The following RAB31 variants were observed in gnomAD, a reference collection of about 807,000 sequenced individuals.
RAB31 encodes RAB31, member RAS oncogene family.
Under a neutral mutation model 25.6 loss-of-function variants are expected in RAB31, and 21 were observed. The ratio of observed to expected loss-of-function variants is 0.82; its 90% CI spans 0.58 to 1.18. The LOEUF (loss-of-function observed/expected upper bound fraction) is 1.18, where lower values mean the gene tolerates loss of function less well. Among genes scored for constraint, RAB31 ranks in the 50% most tolerant of loss-of-function variants. The pLI, the probability that RAB31 is intolerant of heterozygous loss-of-function variation, is 0.00. For synonymous variants in RAB31, 87 were observed against 84.0 expected (o/e 1.04, Z -0.20); for missense variants, 196 against 250.1 (o/e 0.78, Z 1.46).
At chr18:9,750,181 T>A (rs747370070) in intron 1 of RAB31, among the ~76,000 whole-genome samples, 1 of 151,868 alleles carries the variant, frequency 6.6e-6, no homozygotes, top group Non-Finnish European at 1.5e-5. Context: ...AGGGAAGAAA[T>A]GGGAAACACG....
chr18:9,846,754 C>T (rs1014793655), intron 6 of RAB31, among the ~76,000 whole-genome samples: 3 of 152,180 alleles, frequency 2.0e-5, no homozygotes, highest in Admixed American at 1.3e-4. Context: ...CTTTAGACTC[C>T]AAGAACCCAC....
intron 6 of RAB31, among the ~76,000 whole-genome samples, chr18:9,858,459 T>C (rs888466112): frequency 2.6e-5 from 4 of 152,176 alleles, no homozygotes; most frequent in African/African-American, 7.2e-5. Context: ...TATTCACAGA[T>C]CTGTGCAGCC....
At chr18:9,715,870 T>G (rs2068041967) in intron 1 of RAB31, among the ~76,000 whole-genome samples, 1 of 152,184 alleles carries the variant, frequency 6.6e-6, no homozygotes, top group Non-Finnish European at 1.5e-5. Flanking sequence ...CATTTTTTTT[T>G]GAACCATTTA....
At chr18:9,760,583 G>C (rs2068283069) in intron 1 of RAB31, among the ~76,000 whole-genome samples, 1 of 152,144 alleles carries the variant, frequency 6.6e-6, no homozygotes, top group Admixed American at 6.5e-5. Flanking sequence ...GGGTCAGTAG[G>C]ATTATTTAAA....
At chr18:9,821,903 T>C (rs1234031085) in intron 5 of RAB31, among the ~76,000 whole-genome samples, 4 of 152,106 alleles carry the variant, frequency 2.6e-5, no homozygotes, top group South Asian at 2.1e-4. Context: ...GAGTTATAGG[T>C]TTAAATGAAA....
chr18:9,775,462 C>T, intron 2 of RAB31, 105 bp downstream of exon 2: 2 of 1,537,522 alleles, frequency 1.3e-6, no homozygotes, highest in East Asian at 2.4e-5. Flanking sequence ...AGTTTTCATC[C>T]CAGCCAGTGA....
intron 1 of RAB31, among the ~76,000 whole-genome samples, chr18:9,750,253 A>C (rs1461595499): frequency 6.6e-6 from 1 of 152,214 alleles, no homozygotes; most frequent in Non-Finnish European, 1.5e-5. Context: ...GTTTGGATCT[A>C]GGATCAAGAT....
chr18:9,723,817 C>T, intron 1 of RAB31: 1 of 152,168 alleles, frequency 6.6e-6, no homozygotes, highest in Non-Finnish European at 1.5e-5. Context: ...CTCACCCACC[C>T]CAGTGGAACG....
chr18:9,845,604 A>C lies in RAB31; in HGVS notation c.403A>C (p.Lys135Gln). 6.4e-7 allele frequency: 1 copy of C among 1,558,672 alleles called. No individual in the cohort carries two copies. The highest frequency in any genetic ancestry group is 8.7e-7 in the Non-Finnish European group (1 of 1,152,696). Reference protein sequence around the residue: ...DIREVPLKDAKEYAESIGAIV... With the variant: ...DIREVPLKDAQEYAESIGAIV... Reference sequence around the variant, plus strand: ...CAGGGAGGTTCCCCTGAAGGATGCTAAGGAATACGCTGAATCCATAGGTGC... The same window carrying C: ...CAGGGAGGTTCCCCTGAAGGATGCTCAGGAATACGCTGAATCCATAGGTGC... The change falls in exon 6 of 7, where the codon AAG becomes CAG. Residue 135 changes from lysine to glutamine, a missense_variant. Physicochemically the swap from Lys to Gln is moderately conservative, Grantham distance 53 (BLOSUM62 1). Transcript: ENST00000578921.
intron 3 of RAB31, among the ~76,000 whole-genome samples, chr18:9,797,098 T>C (rs1398535137): frequency 6.6e-6 from 1 of 152,202 alleles, no homozygotes; most frequent in Non-Finnish European, 1.5e-5. Context: ...GGGCACCTCT[T>C]TAACTCCATC....
chr18:9,833,163 G>A (rs376866077), intron 5 of RAB31, among the ~76,000 whole-genome samples: 52 of 152,222 alleles, frequency 3.4e-4, no homozygotes, highest in Non-Finnish European at 6.3e-4. Context: ...ATCTTCTTCC[G>A]TGAGAAAATG....
chr18:9,768,178 T>A (rs147618207), intron 1 of RAB31, among the ~76,000 whole-genome samples: 1 of 152,224 alleles, frequency 6.6e-6, no homozygotes, highest in Non-Finnish European at 1.5e-5. Flanking sequence ...TGTGCATGTG[T>A]CTTTATAGTA....
chr18:9,849,076 T>C (rs1325717376), intron 6 of RAB31, among the ~76,000 whole-genome samples: 1 of 152,168 alleles, frequency 6.6e-6, no homozygotes, highest in Non-Finnish European at 1.5e-5. Flanking sequence ...AGACCTACTT[T>C]GTCTGCCTGC....
chr18:9,763,410 A>T (rs1253362694), intron 1 of RAB31, among the ~76,000 whole-genome samples: 1 of 152,186 alleles, frequency 6.6e-6, no homozygotes, highest in African/African-American at 2.4e-5. Context: ...AAAAATCAAG[A>T]TTTAAAAATT....
intron 1 of RAB31, chr18:9,734,965 T>C: frequency 3.7e-6 from 1 of 270,816 alleles, no homozygotes; most frequent in South Asian, 3.9e-5. Flanking sequence ...ACCACAGCAG[T>C]GATGGGAGGA....
chr18:9,812,461 C>T (rs912988663), intron 3 of RAB31, among the ~76,000 whole-genome samples: 2 of 152,136 alleles, frequency 1.3e-5, no homozygotes, highest in East Asian at 1.9e-4. Context: ...GTGTGCCTCC[C>T]TTCCCAAACC....
intron 5 of RAB31, among the ~76,000 whole-genome samples, chr18:9,832,152 G>A (rs2068681745): frequency 6.6e-6 from 1 of 152,208 alleles, no homozygotes; most frequent in African/African-American, 2.4e-5. Context: ...GGGAAGAACT[G>A]GCCCAAAGGG....
At position 9,734,645 on chromosome 18, in the gene RAB31, C is replaced by T. The variant is rs187834866; in HGVS notation, c.39+26201C>T. Among the ~76,000 whole-genome samples the T allele has an allele frequency of 1.9e-3, 293 of 152,164 alleles. 2 individuals carry two copies. Among genetic ancestry groups the T allele is most frequent in the African/African-American group, 6.7e-3 (279 of 41,506 alleles). On this transcript the variant is annotated intron_variant, in intron 1 of 6. Coordinates refer to ENST00000578921, the MANE Select transcript of RAB31 (RefSeq NM_006868.4). The stretch of plus-strand genomic sequence containing the variant: ...CGGATACGATGAACAAAGCGGGGCC[C>T]GAGGAGCCACCCCTGCGGGGGAGCA...
chr18:9,818,059 A>C (rs760981967), intron 5 of RAB31, among the ~76,000 whole-genome samples: 3 of 152,192 alleles, frequency 2.0e-5, no homozygotes, highest in Non-Finnish European at 4.4e-5. Context: ...AAAGTGTGGC[A>C]TGTATATCTT....
Sources: gnomAD v4.1 joint callset for allele counts (sites outside exome capture counted in the v4.1 genomes callset) on GRCh38, gnomAD v4.1.1 for gene constraint, MANE v1.5 for transcripts, NCBI Gene and HGNC (gene_info 2026-07-23, HGNC 2026-07-21) for gene names.